Variants in MAGI2 observed in about 807,000 individuals in gnomAD.
MAGI2 encodes the protein membrane associated guanylate kinase, WW and PDZ domain containing 2.
In MAGI2, 35 loss-of-function variants were observed where a neutral mutation model predicts 133.3. The observed-to-expected ratio is 0.26, with a 90% confidence interval of 0.20 to 0.35. The LOEUF (loss-of-function observed/expected upper bound fraction) is 0.35. MAGI2 is among the 10% of genes least tolerant of loss of function. The probability of loss-of-function intolerance (pLI) is 1.00; values close to 1 mark genes in which losing one functional copy is unlikely to be tolerated. For synonymous variants in MAGI2, 729 were observed against 710.6 expected (o/e 1.03, Z -0.41); for missense variants, 1,636 against 1,863.4 (o/e 0.88, Z 2.25).
intron 9 of MAGI2, among the ~76,000 whole-genome samples, chr7:78,279,975 C>T (rs893491442): frequency 2.0e-5 from 3 of 152,122 alleles, no homozygotes; most frequent in African/African-American, 7.2e-5. Context: ...CTTAAGCAAA[C>T]TCAGCTTAAA....
At chr7:78,612,760 C>G (rs1806600873) in intron 3 of MAGI2, among the ~76,000 whole-genome samples, 1 of 152,054 alleles carries the variant, frequency 6.6e-6, no homozygotes, top group Non-Finnish European at 1.5e-5. Flanking sequence ...ACCTCCGCCT[C>G]CCAGGTTCAT....
intron 4 of MAGI2, among the ~76,000 whole-genome samples, chr7:78,509,996 T>C (rs980425593): frequency 7.9e-5 from 12 of 152,236 alleles, no homozygotes; most frequent in Non-Finnish European, 1.8e-4. Flanking sequence ...TGACAACTTT[T>C]AAGAAATCCA....
chr7:78,862,610 A>T (rs1282989571), intron 2 of MAGI2, among the ~76,000 whole-genome samples: 1 of 152,208 alleles, frequency 6.6e-6, no homozygotes, highest in African/African-American at 2.4e-5. Context: ...TTCATTCATG[A>T]ACTTTTTCCT....
At chr7:78,078,788 ATGTGTGTGTGTG>A (rs67657112) in intron 21 of MAGI2, 147 bp downstream of exon 21, 2 of 625,070 alleles carry the variant, frequency 3.2e-6, no homozygotes, top group Non-Finnish European at 5.6e-6. Context: ...GTGTGTGTGT[ATGTGTGTGTGTG>A]TGTGTGTGTG....
At chr7:78,613,859 G>C (rs540031584) in intron 3 of MAGI2, among the ~76,000 whole-genome samples, 1 of 151,892 alleles carries the variant, frequency 6.6e-6, no homozygotes, top group African/African-American at 2.4e-5. Flanking sequence ...CTGTAATCCC[G>C]GCACTTTGGG....
chr7:79,235,335 C>T (rs1831807083), intron 1 of MAGI2, among the ~76,000 whole-genome samples: 1 of 152,198 alleles, frequency 6.6e-6, no homozygotes, highest in Admixed American at 6.5e-5. Flanking sequence ...GTTCGAGCTT[C>T]CCGGCTGCTT....
chr7:78,656,825 A>T (rs965270965), intron 2 of MAGI2, among the ~76,000 whole-genome samples: 2 of 152,136 alleles, frequency 1.3e-5, no homozygotes, highest in African/African-American at 4.8e-5. Context: ...ATAAAAAAAT[A>T]AGTTTAAAAT....
intron 1 of MAGI2, among the ~76,000 whole-genome samples, chr7:79,231,919 T>C (rs944214220): frequency 2.0e-5 from 3 of 152,216 alleles, no homozygotes; most frequent in Non-Finnish European, 2.9e-5. Flanking sequence ...AGTATGATGC[T>C]GGCTGTGGGT....
At chr7:78,129,464 T>A (rs1821323024) in intron 18 of MAGI2, among the ~76,000 whole-genome samples, 2 of 152,202 alleles carry the variant, frequency 1.3e-5, no homozygotes, top group Non-Finnish European at 2.9e-5. Flanking sequence ...CTCTCTAAAG[T>A]TCTTTTACTT....
intron 9 of MAGI2, among the ~76,000 whole-genome samples, chr7:78,314,120 T>C (rs984650045): frequency 3.9e-5 from 6 of 152,190 alleles, no homozygotes; most frequent in Admixed American, 3.9e-4. Flanking sequence ...AGATTGATTT[T>C]ATAAGTGCCT....
At chr7:78,347,631 C>T (rs1791053333) in intron 7 of MAGI2, among the ~76,000 whole-genome samples, 1 of 140,632 alleles carries the variant, frequency 7.1e-6, no homozygotes, top group Non-Finnish European at 1.6e-5. Context: ...TAATCACCAC[C>T]ATTACTGTCA....
At chr7:78,525,392 T>C (rs1796860273) in intron 3 of MAGI2, among the ~76,000 whole-genome samples, 1 of 146,454 alleles carries the variant, frequency 6.8e-6, no homozygotes, top group African/African-American at 2.6e-5. Context: ...AGCCAAGCAG[T>C]CAGGCAGCTA....
rs1563166641 is a variant in MAGI2 at position 78,135,189 on chromosome 7, C to T, written c.2863G>A (p.Gly955Arg). ...GSTITVPHKI[G>R]RIIDGSPADR... ...GCAGGACTCCCATCAATGATGCGTC[C>T]GATTTTATGGGGCACAGCTAAAAAA... The change falls in exon 17 of 22, where the codon GGA becomes AGA. Residue 955 changes from glycine to arginine, a missense_variant. Gly to Arg is a moderately radical substitution (Grantham distance 125). This residue lies in a region of MAGI2 where 920 missense variants were observed against 1,093.5 expected (regional missense o/e 0.84). Coordinates refer to ENST00000354212, the MANE Select transcript of MAGI2 (RefSeq NM_012301.4). The T allele has an allele frequency of 1.1e-5, 17 of 1,613,862 alleles. No homozygotes were observed. The highest frequency in any genetic ancestry group is 1.3e-5 in the Non-Finnish European group (15 of 1,179,968).
intron 10 of MAGI2, among the ~76,000 whole-genome samples, chr7:78,233,128 G>A (rs1790150568): frequency 6.6e-6 from 1 of 152,178 alleles, no homozygotes. Flanking sequence ...GAACCATGGA[G>A]GGGTATTAAG....
At chr7:78,057,510 C>T (rs932871122) in intron 21 of MAGI2, among the ~76,000 whole-genome samples, 5 of 152,086 alleles carry the variant, frequency 3.3e-5, no homozygotes, top group Admixed American at 2.0e-4. Context: ...GGATTACAGG[C>T]GTGTGTGTTT....
chr7:78,258,649 T>A (rs1203831354), intron 9 of MAGI2, among the ~76,000 whole-genome samples: 1 of 152,150 alleles, frequency 6.6e-6, no homozygotes, highest in Non-Finnish European at 1.5e-5. Flanking sequence ...ATAATAATAA[T>A]CCCTGGAAAG....
At chr7:78,080,682 A>T (rs1343657096) in intron 20 of MAGI2, among the ~76,000 whole-genome samples, 1 of 152,208 alleles carries the variant, frequency 6.6e-6, no homozygotes, top group Admixed American at 6.5e-5. Context: ...TGATTACTAA[A>T]CATCGTCACC....
chr7:79,202,939 T>A (rs1828735298), intron 1 of MAGI2, among the ~76,000 whole-genome samples: 2 of 152,018 alleles, frequency 1.3e-5, no homozygotes, highest in Non-Finnish European at 2.9e-5. Flanking sequence ...CATCTTCACT[T>A]GCCTTTCTAA....
chr7:78,287,775 G>A (rs913783871), intron 9 of MAGI2, among the ~76,000 whole-genome samples: 15 of 152,100 alleles, frequency 9.9e-5, no homozygotes, highest in African/African-American at 3.6e-4. Context: ...ATTTAAAAGT[G>A]TTTTTCTTTT....
Sources: gnomAD v4.1 joint callset for allele counts (sites outside exome capture counted in the v4.1 genomes callset) on GRCh38, gnomAD v4.1.1 for gene constraint, gnomAD v4.1.1 regional missense constraint, MANE v1.5 for transcripts, NCBI Gene and HGNC (gene_info 2026-07-23, HGNC 2026-07-21) for gene names.